Variants in SYNE2 observed in about 807,000 individuals in gnomAD.
The protein encoded by SYNE2 is spectrin repeat containing nuclear envelope protein 2.
A neutral mutation model predicts 856.3 loss-of-function variants in SYNE2; 431 were observed. That is an observed-to-expected ratio of 0.50 (90% CI 0.47 to 0.55). The LOEUF (loss-of-function observed/expected upper bound fraction) is 0.55. SYNE2 is among the 20% of genes least tolerant of loss of function. The pLI is 0.00. For missense variants in SYNE2, 8,129 were observed against 8,023.2 expected (o/e 1.01, Z -0.50); for synonymous variants, 2,923 against 2,872.3 (o/e 1.02, Z -0.56).
chr14:64,182,995 G>A (rs753117474), intron 96 of SYNE2, among the ~76,000 whole-genome samples: 46 of 134,856 alleles, frequency 3.4e-4, no homozygotes, highest in Admixed American at 8.5e-4. Flanking sequence ...CCTCCCGGAC[G>A]GGGCGACTGG....
intron 71 of SYNE2, 151 bp from the exon 72 acceptor site, chr14:64,126,176 G>C: frequency 4.5e-6 from 3 of 671,810 alleles, no homozygotes; most frequent in Non-Finnish European, 7.7e-6. Flanking sequence ...TTATTTATTT[G>C]TTCTGCTACC....
At chr14:63,841,832 C>CTTTTTTTTTTTTTTTTTTT (rs34947861) in intron 1 of SYNE2, among the ~76,000 whole-genome samples, 20 of 115,050 alleles carry the variant, frequency 1.7e-4, no homozygotes, top group Non-Finnish European at 2.2e-4. Context: ...TTCTTTCTTT[C>CTTTTTTTTTTTTTTTTTTT]TTTTTTTTTT....
intron 103 of SYNE2, 59 bp downstream of exon 103, chr14:64,210,183 C>G: frequency 6.4e-7 from 1 of 1,574,298 alleles, no homozygotes; most frequent in Non-Finnish European, 8.6e-7. Context: ...ACGCACGATA[C>G]GCAATGGCAG....
chr14:63,990,426 G>A lies in SYNE2; in HGVS notation c.2329G>A (p.Gly777Ser). The A allele has an allele frequency of 6.2e-7, 1 of 1,613,002 alleles. No homozygotes were observed. The highest frequency in any genetic ancestry group is 2.2e-5 in the East Asian group (1 of 44,840). ...GTTTTAATAGCATCTTATTGCCAAAGGCTCTATGTTTGATGAGCTTATGGC... is the reference window on the plus strand; with the variant it reads ...GTTTTAATAGCATCTTATTGCCAAAAGCTCTATGTTTGATGAGCTTATGGC... ...EESLKHLIAK[G>S]SMFDELMARS... The change falls in exon 20 of 116, where the codon GGC becomes AGC. Residue 777 changes from glycine (G) to serine (S), a missense_variant. Gly to Ser is a moderately conservative substitution (Grantham distance 56, BLOSUM62 0). Around this residue, in one of 3 missense-constraint regions of SYNE2, gnomAD observed 2,422 missense variants for 2,357.4 expected, o/e 1.03. Transcript: ENST00000555002.
At chr14:64,219,120 T>TG (rs1288762539) in intron 109 of SYNE2, 88 bp from the exon 110 acceptor site, 2 of 1,022,342 alleles carry the variant, frequency 2.0e-6, no homozygotes, top group African/African-American at 3.4e-5. Flanking sequence ...TTTTTTTTTT[T>TG]TTTTAACCAC....
rs34875863 is a variant in SYNE2 at position 63,789,774 on chromosome 14, C to CA, written c.-305+27801dup. Among the ~76,000 whole-genome samples, 694 of 121,740 alleles carry CA rather than the reference C, an allele frequency of 5.7e-3. 4 individuals are homozygous for CA. Among genetic ancestry groups the CA allele is most frequent in the African/African-American group, 0.015 (490 of 32,774 alleles). The allele number at this position is 121,740 out of a possible 152,430, so 79.9% of individuals were successfully genotyped here. A position where few individuals can be genotyped will look rare whatever the true frequency, so the allele number is the denominator to read the frequency against. Reference sequence around the variant, plus strand: ...GCCTGGGCGACAGTGAGACTTGTCTCAAAAAAAAAAAAAGAAGAAGAAGTA... The same window carrying CA: ...GCCTGGGCGACAGTGAGACTTGTCTCAAAAAAAAAAAAAAGAAGAAGAAGTA... On this transcript the variant is annotated intron_variant, in intron 1 of 23. Coordinates refer to the SYNE2 transcript ENST00000674003.
intron 1 of SYNE2, among the ~76,000 whole-genome samples, chr14:63,803,015 AGCAG>A (rs1888211024): frequency 6.6e-6 from 1 of 152,170 alleles, no homozygotes; most frequent in African/African-American, 2.4e-5. Flanking sequence ...AGGGCACCTG[AGCAG>A]GTTGCCAATA....
At chr14:64,127,843 C>G (rs1359050730) in intron 73 of SYNE2, among the ~76,000 whole-genome samples, 1 of 152,208 alleles carries the variant, frequency 6.6e-6, no homozygotes. Context: ...AAACAGCACA[C>G]TGGGAGTGCA....
chr14:63,774,943 TTTTAA>T (rs1887055970), intron 1 of SYNE2, among the ~76,000 whole-genome samples: 2 of 152,056 alleles, frequency 1.3e-5, no homozygotes, highest in African/African-American at 4.8e-5. Context: ...TCTGCCAGTA[TTTTAA>T]TTTAATTTTA....
intron 1 of SYNE2, among the ~76,000 whole-genome samples, chr14:63,820,505 T>C (rs116066115): frequency 0.014 from 2,121 of 152,294 alleles, 43 homozygotes; most frequent in African/African-American, 0.048. Context: ...AGTTCTTACA[T>C]ATGATATAAA....
intron 2 of SYNE2, among the ~76,000 whole-genome samples, chr14:63,915,725 TA>T (rs2095526116): frequency 6.6e-6 from 1 of 152,202 alleles, no homozygotes; most frequent in Admixed American, 6.5e-5. Flanking sequence ...TTTAAAAGAT[TA>T]AAAAACCCTC....
intron 99 of SYNE2, 151 bp downstream of exon 99, chr14:64,190,388 T>C: frequency 9.7e-7 from 1 of 1,026,170 alleles, no homozygotes; most frequent in Non-Finnish European, 1.5e-6. Flanking sequence ...TGGAAATTCT[T>C]TCAGTGTTAC....
In SYNE2 at chr14:63,954,733, A is replaced by G. The variant is rs746518493; in HGVS notation, c.605A>G (p.Asn202Ser). 40 of 1,613,914 alleles carry G rather than the reference A, an allele frequency of 2.5e-5. No individual in the cohort carries two copies. The highest frequency in any genetic ancestry group is 1.6e-4 in the East Asian group (7 of 44,878). Residue 202 changes from asparagine (N) to serine (S), a missense_variant, in exon 8 of 116, where the codon AAT becomes AGT. Transcript: ENST00000555002. ...TTTTATGATAGCTATGAGTCTGTCA[A>G]TGTGACCGATTTTAAGTCAAGTTGG... is the stretch of plus-strand genomic sequence containing the variant. ...QEQCATYESV[N>S]VTDFKSSWRN... is the part of the protein sequence containing the mutation.
Position 63,995,234 on chromosome 14 carries a change from C to T in SYNE2, c.2940+32C>T, listed in dbSNP as rs374380328. On this transcript the variant is annotated intron_variant, in intron 23 of 115. Transcript: ENST00000555002. The stretch of plus-strand genomic sequence containing the variant: ...TAAAGTGTTTCCACTTAAATTTTGT[C>T]ATCATTTTGGGGTTTATCTTAAATG... 17 of 1,585,348 alleles carry T rather than the reference C, an allele frequency of 1.1e-5. No individual in the cohort carries two copies. The African/African-American group carries it at 2.3e-4, about 21-fold the overall frequency.
chr14:63,928,062 A>G (rs2095693685), intron 2 of SYNE2, among the ~76,000 whole-genome samples: 2 of 151,992 alleles, frequency 1.3e-5, no homozygotes, highest in African/African-American at 4.8e-5. Context: ...AAAGTAGGAA[A>G]AAAAAAAAGA....
At chr14:64,176,321 C>T (rs1249064592) in intron 95 of SYNE2, among the ~76,000 whole-genome samples, 2 of 152,204 alleles carry the variant, frequency 1.3e-5, no homozygotes, top group Non-Finnish European at 2.9e-5. Context: ...ACGGGCTAGT[C>T]ATTTTTCTCT....
chr14:64,142,096 T>C lies in SYNE2; in HGVS notation c.15306+8T>C. The C allele has an allele frequency of 1.2e-6, 2 of 1,614,068 alleles. No individual in the cohort carries two copies. Among genetic ancestry groups the C allele is most frequent in the Middle Eastern group, 1.6e-4 (1 of 6,062 alleles). On this transcript the variant is annotated splice_region_variant and intron_variant, in intron 82 of 115. Coordinates refer to ENST00000555002, the MANE Select transcript of SYNE2 (RefSeq NM_182914.3). ...CTTCTTCAGAAGCACAAGGTAATTA[T>C]GCAAAAGGAGCAGAAGTCTTTTCAT...
At chr14:64,111,764 C>T (rs1248543169) in intron 65 of SYNE2, among the ~76,000 whole-genome samples, 2 of 152,064 alleles carry the variant, frequency 1.3e-5, no homozygotes, top group African/African-American at 2.4e-5. Context: ...TGCCACTGTA[C>T]TCCAGCCTGG....
intron 2 of SYNE2, among the ~76,000 whole-genome samples, chr14:63,932,093 G>C (rs1424166195): frequency 1.3e-5 from 2 of 152,136 alleles, no homozygotes; most frequent in Admixed American, 1.3e-4. Context: ...AGGGGATTTT[G>C]GGGCCAGTTG....
Sources: gnomAD v4.1 joint callset for allele counts (sites outside exome capture counted in the v4.1 genomes callset) on GRCh38, gnomAD v4.1.1 for gene constraint, gnomAD v4.1.1 regional missense constraint, MANE v1.5 for transcripts, NCBI Gene and HGNC (gene_info 2026-07-23, HGNC 2026-07-21) for gene names.